The following PIK3R6 variants were observed in gnomAD, a reference collection of about 807,000 sequenced individuals.
The protein encoded by PIK3R6 is phosphoinositide-3-kinase regulatory subunit 6, also known as phosphoinositide 3-kinase regulatory subunit 6.
A neutral mutation model predicts 84.9 loss-of-function variants in PIK3R6; 91 were observed. The ratio of observed to expected loss-of-function variants is 1.07; its 90% CI spans 0.90 to 1.28. PIK3R6 has a LOEUF of 1.28. Ranked by LOEUF, PIK3R6 falls within the 50% of genes most tolerant of loss-of-function variation. The pLI is 0.00. For synonymous variants in PIK3R6, 416 were observed against 411.4 expected (o/e 1.01, Z -0.13); for missense variants, 996 against 985.1 (o/e 1.01, Z -0.15).
At position 8,828,568 on chromosome 17, in the gene PIK3R6, T is replaced by C. The variant is rs1055247546; in HGVS notation, c.1312A>G (p.Arg438Gly). Reference sequence around the variant, plus strand: ...CCAGCCCCCACGTCGGGGCCCCACCTGAGTCTGTGGTAGGCCTGGGCCAGG... The same window carrying C: ...CCAGCCCCCACGTCGGGGCCCCACCCGAGTCTGTGGTAGGCCTGGGCCAGG... ...GRLAQAYHRL[R>G]KRETQKFCLT... The change falls in exon 11 of 20, where the codon AGG (arginine) becomes GGG (glycine). Residue 438 changes from arginine to glycine, a missense_variant and splice_region_variant. Arg to Gly is a moderately radical substitution (Grantham distance 125, BLOSUM62 -2). Transcript: ENST00000619866. 6.2e-7 allele frequency: 1 copy of C among 1,612,160 alleles called. No homozygotes were observed. The highest frequency in any genetic ancestry group is 8.5e-7 in the Non-Finnish European group (1 of 1,179,490).
chr17:8,834,833 T>C (rs1047657632), intron 8 of PIK3R6, among the ~76,000 whole-genome samples: 1 of 148,390 alleles, frequency 6.7e-6, no homozygotes, highest in African/African-American at 2.6e-5. Flanking sequence ...TTATCTTATA[T>C]CTTATTATTG....
At position 8,839,544 on chromosome 17, in the gene PIK3R6, GC is replaced by G; in HGVS notation, c.97+69del. ...TCCAGGCCGGGGCTCTTTCCTGTAT[GC>G]GCGTGTATTGTTGGCTGGGGTTGGG... is the stretch of plus-strand genomic sequence containing the variant. On this transcript the variant is annotated intron_variant, in intron 3 of 19. Transcript: ENST00000619866. This position sits in a 1 kb window ranked among gnomAD's most constrained non-coding sequence, Gnocchi z 4.2. 1 of 1,277,182 alleles carries G rather than the reference GC, an allele frequency of 7.8e-7. No homozygotes were observed. Among genetic ancestry groups the G allele is most frequent in the Non-Finnish European group, 1.1e-6 (1 of 910,290 alleles). The allele number at this position is 1,277,182 out of a possible 1,614,324, so 79.1% of individuals were successfully genotyped here.
intron 9 of PIK3R6, among the ~76,000 whole-genome samples, chr17:8,831,863 C>T (rs1022080694): frequency 1.3e-5 from 2 of 152,214 alleles, no homozygotes; most frequent in African/African-American, 2.4e-5. Flanking sequence ...AACACATATT[C>T]GGGACGTTTC....
At chr17:8,807,145 G>A (rs2087228774) in intron 18 of PIK3R6, among the ~76,000 whole-genome samples, 1 of 152,192 alleles carries the variant, frequency 6.6e-6, no homozygotes. Context: ...TTCAATATGG[G>A]GTTGCCCTAT....
chr17:8,822,309 C>G (rs910401964), intron 16 of PIK3R6, among the ~76,000 whole-genome samples: 1 of 152,158 alleles, frequency 6.6e-6, no homozygotes, highest in Non-Finnish European at 1.5e-5. Flanking sequence ...CCAGTGAAAT[C>G]AGTTCAAGCC....
At chr17:8,811,780 C>A (rs2087365220) in intron 18 of PIK3R6, among the ~76,000 whole-genome samples, 2 of 148,216 alleles carry the variant, frequency 1.3e-5, no homozygotes, top group African/African-American at 2.5e-5. Flanking sequence ...CAAAACCATT[C>A]AAAAAGTCTC....
chr17:8,803,267 G>A lies in PIK3R6; in HGVS notation c.*6C>T. The A allele has an allele frequency of 6.2e-7, 1 of 1,612,102 alleles. No individual in the cohort carries two copies. Among genetic ancestry groups the A allele is most frequent in the Non-Finnish European group, 8.5e-7 (1 of 1,179,764 alleles). ...CCTTCCTCCTGGGCCTGCTGTCCCT[G>A]CAGGCTCACTGGACAATACCAGAGA... is the stretch of plus-strand genomic sequence containing the variant. On this transcript the variant is annotated 3_prime_UTR_variant, in exon 20 of 20. Coordinates refer to ENST00000619866, the MANE Select transcript of PIK3R6 (RefSeq NM_001010855.4). This position sits in a 1 kb window ranked among gnomAD's most constrained non-coding sequence, Gnocchi z 5.0.
chr17:8,837,704 G>T, intron 5 of PIK3R6, 99 bp downstream of exon 5: 1 of 1,051,382 alleles, frequency 9.5e-7, no homozygotes, highest in Non-Finnish European at 1.4e-6. Flanking sequence ...GATTTTCTAG[G>T]CTCATCCTGG....
intron 18 of PIK3R6, among the ~76,000 whole-genome samples, chr17:8,817,881 G>A (rs989044831): frequency 6.6e-6 from 1 of 151,752 alleles, no homozygotes; most frequent in African/African-American, 2.4e-5. Context: ...TGGGTAGCTA[G>A]AGAGGTAGTT....
intron 18 of PIK3R6, among the ~76,000 whole-genome samples, chr17:8,805,287 A>T (rs2087169118): frequency 6.6e-6 from 1 of 152,204 alleles, no homozygotes; most frequent in South Asian, 2.1e-4. Context: ...ATGAGATAGT[A>T]TATATTAAGT....
intron 17 of PIK3R6, 131 bp downstream of exon 17, chr17:8,821,715 A>G: frequency 1.0e-6 from 1 of 998,722 alleles, no homozygotes; most frequent in Non-Finnish European, 1.5e-6. Flanking sequence ...GAAGGCAGTC[A>G]CCAAGTCCTG....
chr17:8,814,131 G>A (rs2087449332), intron 18 of PIK3R6, among the ~76,000 whole-genome samples: 1 of 150,732 alleles, frequency 6.6e-6, no homozygotes, highest in African/African-American at 2.4e-5. Flanking sequence ...CCCACAGAAA[G>A]AACCATGGGC....
At chr17:8,847,065 A>G (rs2088831055) in intron 2 of PIK3R6, among the ~76,000 whole-genome samples, 1 of 152,160 alleles carries the variant, frequency 6.6e-6, no homozygotes, top group Non-Finnish European at 1.5e-5. Flanking sequence ...AGCAGCTACT[A>G]TTCTCTGACT....
At chr17:8,814,214 T>TA (rs2087452460) in intron 18 of PIK3R6, among the ~76,000 whole-genome samples, 7 of 124,264 alleles carry the variant, frequency 5.6e-5, no homozygotes, top group Non-Finnish European at 8.0e-5. Context: ...CAGAGAGAGA[T>TA]CTTTTTTTTT....
chr17:8,814,204 C>A (rs112562972), intron 18 of PIK3R6, among the ~76,000 whole-genome samples: 3,357 of 132,930 alleles, frequency 0.025, 136 homozygotes, highest in African/African-American at 0.091. Context: ...CTCTTTAGTT[C>A]AGAGAGAGAT....
At chr17:8,810,843 G>A (rs904772968) in intron 18 of PIK3R6, among the ~76,000 whole-genome samples, 1 of 148,668 alleles carries the variant, frequency 6.7e-6, no homozygotes, top group Non-Finnish European at 1.5e-5. Flanking sequence ...TGCTTTTATG[G>A]GCTGGCGTTG....
intron 2 of PIK3R6, among the ~76,000 whole-genome samples, chr17:8,848,178 T>C (rs896140805): frequency 2.0e-5 from 3 of 152,232 alleles, no homozygotes; most frequent in African/African-American, 7.2e-5. Context: ...CCCTGCCCTT[T>C]CTGGTGTCTG....
chr17:8,818,760 G>A (rs548432981), intron 18 of PIK3R6, among the ~76,000 whole-genome samples: 1 of 152,306 alleles, frequency 6.6e-6, no homozygotes, highest in Non-Finnish European at 1.5e-5. Context: ...TTAGGAGTCT[G>A]GCTGTGGTGT....
At chr17:8,816,536 A>C (rs2087548918) in intron 18 of PIK3R6, among the ~76,000 whole-genome samples, 1 of 152,222 alleles carries the variant, frequency 6.6e-6, no homozygotes, top group Non-Finnish European at 1.5e-5. Flanking sequence ...AGGTTAAAAA[A>C]GCATCAAAAG....
Sources: gnomAD v4.1 joint callset for allele counts (sites outside exome capture counted in the v4.1 genomes callset) on GRCh38, gnomAD v4.1.1 for gene constraint, Gnocchi (gnomAD v3.1) non-coding constraint, MANE v1.5 for transcripts, NCBI Gene and HGNC (gene_info 2026-07-23, HGNC 2026-07-21) for gene names.